The following MAX variants were observed in gnomAD, a reference collection of about 807,000 sequenced individuals.
MAX encodes MYC associated transcriptional regulator X, also known as protein max.
In MAX, 3 loss-of-function variants were observed where a neutral mutation model predicts 22.3. The ratio of observed to expected loss-of-function variants is 0.13; its 90% CI spans 0.06 to 0.35. The LOEUF (loss-of-function observed/expected upper bound fraction) is 0.35, where lower values mean the gene tolerates loss of function less well. MAX is among the 10% of genes least tolerant of loss of function. The probability of loss-of-function intolerance (pLI) is 1.00; values close to 1 mark genes in which losing one functional copy is unlikely to be tolerated. For synonymous variants in MAX, 72 were observed against 77.7 expected (o/e 0.93, Z 0.39); for missense variants, 119 against 209.4 (o/e 0.57, Z 2.66).
intron 3 of MAX, among the ~76,000 whole-genome samples, chr14:65,059,837 C>CTTTTTTTTT (rs34459085): frequency 1.5e-5 from 2 of 134,242 alleles, no homozygotes; most frequent in African/African-American, 2.8e-5. Flanking sequence ...GTCCTTTTTT[C>CTTTTTTTTT]TTTTTTTTTT....
intron 3 of MAX, among the ~76,000 whole-genome samples, chr14:65,034,402 T>C (rs142167621): frequency 1.3e-5 from 2 of 152,398 alleles, no homozygotes; most frequent in African/African-American, 4.8e-5. Context: ...ACATTTTTAA[T>C]ATCTTGCATG....
In MAX at chr14:65,077,926, A is replaced by G. The variant is rs1413313831; in HGVS notation, c.282T>C (p.Leu94=). ...TCGGGTGCTCACCTTGCTGCTCCAG[A>G]AGAGCATTCTGCCGCTTGAGGTCGT... ...DIDDLKRQNA[L]LEQQVRALEK... The change falls in exon 4 of 5, where the codon CTT becomes CTC. Residue 94 remains leucine (L), a synonymous_variant. Coordinates refer to ENST00000358664, the MANE Select transcript of MAX (RefSeq NM_002382.5). The surrounding 1 kb of genome is among the most constrained non-coding windows in gnomAD (Gnocchi z 6.3). 1.9e-6 allele frequency: 3 copies of G among 1,614,108 alleles called. No homozygotes were observed. Among genetic ancestry groups the G allele is most frequent in the African/African-American group, 1.3e-5 (1 of 74,946 alleles).
chr14:65,101,043 T>C (rs538480236), intron 2 of MAX, among the ~76,000 whole-genome samples: 1 of 152,358 alleles, frequency 6.6e-6, no homozygotes, highest in Non-Finnish European at 1.5e-5. Flanking sequence ...CTCCTCTACA[T>C]TTCCAATTTT....
At chr14:65,006,380 C>CAAT (rs2061590864) in intron 3 of MAX, 1 of 1,530,638 alleles carries the variant, frequency 6.5e-7, no homozygotes, top group Non-Finnish European at 8.8e-7. Flanking sequence ...GCTCTGACCT[C>CAAT]AATAAAATGA....
In MAX at chr14:65,076,360, G is replaced by C; in HGVS notation, c.*116C>G. On this transcript the variant is annotated 3_prime_UTR_variant, in exon 5 of 5. Transcript: ENST00000358664. The surrounding 1 kb of genome is among the most constrained non-coding windows in gnomAD (Gnocchi z 6.6). The stretch of plus-strand genomic sequence containing the variant: ...AAAATAAAAATTTAAAAAAAAAAGG[G>C]AGAAAGAGAAAAATAAAGAGTCTCT... The C allele has an allele frequency of 1.3e-6, 2 of 1,559,690 alleles. No individual in the cohort carries two copies. The highest frequency in any genetic ancestry group is 1.7e-6 in the Non-Finnish European group (2 of 1,155,516).
chr14:65,072,954 A>G (rs1162079583), downstream of MAX, among the ~76,000 whole-genome samples: 5 of 152,230 alleles, frequency 3.3e-5, no homozygotes, highest in African/African-American at 4.8e-5. Context: ...TGATATACCA[A>G]GAAGTCAACC....
intron 3 of MAX, among the ~76,000 whole-genome samples, chr14:65,035,672 A>G (rs928671702): frequency 6.7e-6 from 1 of 148,698 alleles, no homozygotes; most frequent in Admixed American, 6.7e-5. Flanking sequence ...TGGGACAACA[A>G]GCGCGTGCCA....
Position 65,032,428 on chromosome 14 carries a change from C to G in MAX, c.172-26144G>C, listed in dbSNP as rs1813360128. ...CACTGAAGCCATGCCGTGAGCAACT[C>G]TATCCAAATAGAATGTCACACCTCT... On this transcript the variant is annotated intron_variant, in intron 3 of 3. Coordinates refer to the MAX transcript ENST00000341653. The surrounding 1 kb of genome is among the most constrained non-coding windows in gnomAD (Gnocchi z 5.0). 1.9e-6 allele frequency: 1 copy of G among 528,078 alleles called. No individual in the cohort carries two copies. The allele number at this position is 528,078 out of a possible 1,614,324, so 32.7% of individuals were successfully genotyped here. A position where few individuals can be genotyped will look rare whatever the true frequency, so the allele number is the denominator to read the frequency against.
At position 65,054,207 on chromosome 14, in the gene MAX, G is replaced by A. The variant is rs2062677276; in HGVS notation, c.171+39501C>T. Among the ~76,000 whole-genome samples, 1 of 151,928 alleles carries A rather than the reference G, an allele frequency of 6.6e-6. No homozygotes were observed. The highest frequency in any genetic ancestry group is 2.1e-4 in the South Asian group (1 of 4,814). ...GACTCACTGCAGCCTTCACCTCTTG[G>A]GCTCGAGTGATCCTCCTGCTTCAGC... On this transcript the variant is annotated intron_variant, in intron 3 of 3. Transcript: ENST00000341653. This position sits in a 1 kb window ranked among gnomAD's most constrained non-coding sequence, Gnocchi z 4.4.
chr14:65,044,979 A>C lies in MAX; in HGVS notation c.172-38695T>G, dbSNP rs2062443637. 1.3e-5 allele frequency among the ~76,000 whole-genome samples: 2 copies of C among 152,144 alleles called. No homozygotes were observed. The highest frequency in any genetic ancestry group is 2.9e-5 in the Non-Finnish European group (2 of 68,014). On this transcript the variant is annotated intron_variant, in intron 3 of 3. Coordinates refer to the MAX transcript ENST00000341653. The surrounding 1 kb of genome is among the most constrained non-coding windows in gnomAD (Gnocchi z 5.5). ...GGCTGCAGAGTTGTCACTATTAGAA[A>C]TGTTTTATTTTACATTCATTGAATA...
intron 3 of MAX, among the ~76,000 whole-genome samples, chr14:65,035,833 T>G (rs1320553096): frequency 7.0e-6 from 1 of 142,652 alleles, no homozygotes; most frequent in Non-Finnish European, 1.6e-5. Flanking sequence ...TGCGCCCAGC[T>G]TTTTTTTTTT....
At position 65,019,187 on chromosome 14, in the gene MAX, GA is replaced by G. The variant is rs566278887; in HGVS notation, c.172-12904del. 6.0e-5 allele frequency among the ~76,000 whole-genome samples: 9 copies of G among 148,938 alleles called. 1 individual carries two copies. In the South Asian group the frequency reaches 1.9e-3, roughly 32 times the overall value. On this transcript the variant is annotated intron_variant, in intron 3 of 3. Transcript: ENST00000341653. ...AAACTCCATCTCAAAAAAAGAAAAA[GA>G]AAAAGAAGAACTTTCTGGCTGGATG...
chr14:65,053,329 G>T, intron 3 of MAX: 2 of 1,447,818 alleles, frequency 1.4e-6, no homozygotes, highest in South Asian at 1.5e-5. Flanking sequence ...CTGCGGGGGG[G>T]CTTCTGGATA....
At chr14:65,008,293 G>T (rs557067326) in intron 3 of MAX, among the ~76,000 whole-genome samples, 1 of 152,176 alleles carries the variant, frequency 6.6e-6, no homozygotes, top group East Asian at 1.9e-4. Context: ...CCCAGGTTTG[G>T]GGGGAGGAAG....
chr14:65,075,103 G>T, downstream of MAX: 1 of 1,013,748 alleles, frequency 9.9e-7, no homozygotes, highest in South Asian at 4.7e-5. The surrounding 1 kb of genome is among the most constrained non-coding windows in gnomAD (Gnocchi z 4.1). Context: ...GCCTTAACAA[G>T]GGTAAGAAGA....
rs892847629 is a variant in MAX at position 65,054,477 on chromosome 14, A to G, written c.171+39231T>C. ...CTAGCCACATGGAGGATGGGGGGGG[A>G]CGTGTGATTGCACCAGTGGTCTCTG... is the stretch of plus-strand genomic sequence containing the variant. On this transcript the variant is annotated intron_variant, in intron 3 of 3. Transcript: ENST00000341653. The surrounding 1 kb of genome is among the most constrained non-coding windows in gnomAD (Gnocchi z 4.4). 6 of 1,180,558 alleles carry G rather than the reference A, an allele frequency of 5.1e-6. No individual in the cohort carries two copies. The highest frequency in any genetic ancestry group is 7.2e-6 in the Non-Finnish European group (6 of 832,366). The allele number at this position is 1,180,558 out of a possible 1,614,324, so 73.1% of individuals were successfully genotyped here.
rs375041283 is a variant in MAX, at chr14:65,053,196, C to A, written c.171+40512G>T. 8.3e-6 allele frequency: 11 copies of A among 1,318,732 alleles called. No homozygotes were observed. The African/African-American group carries it at 1.5e-4, about 18-fold the overall frequency. The allele number at this position is 1,318,732 out of a possible 1,614,324, so 81.7% of individuals were successfully genotyped here. A position where few individuals can be genotyped will look rare whatever the true frequency, so the allele number is the denominator to read the frequency against. ...GTGGAATTAGGTCATTGATACTTGG[C>A]TGGATCTGCCGGGCCCTTACTGACC... On this transcript the variant is annotated intron_variant, in intron 3 of 3. Transcript: ENST00000341653.
Position 65,084,392 on chromosome 14 carries a change from C to A in MAX, c.172-6356G>T. ...TTTTGTTTACTGAATTAGTTACCCT[C>A]TTCCAAAAAAAAAAATTCCAGTGAT... On this transcript the variant is annotated intron_variant, in intron 3 of 4. Coordinates refer to ENST00000358664, the MANE Select transcript of MAX (RefSeq NM_002382.5). This position sits in a 1 kb window ranked among gnomAD's most constrained non-coding sequence, Gnocchi z 4.3. 3 of 784,516 alleles carry A rather than the reference C, an allele frequency of 3.8e-6. No individual in the cohort carries two copies. Among genetic ancestry groups the A allele is most frequent in the Admixed American group, 4.6e-5 (2 of 43,954 alleles). The allele number at this position is 784,516 out of a possible 1,614,324, so 48.6% of individuals were successfully genotyped here. A position where few individuals can be genotyped will look rare whatever the true frequency, so the allele number is the denominator to read the frequency against.
At chr14:65,006,277 T>G (rs771157653) in exon 4 of MAX, 3 of 1,613,682 alleles carry the variant, frequency 1.9e-6, no homozygotes, top group Non-Finnish European at 8.5e-7. Flanking sequence ...TAACTTCATC[T>G]TTGTTCCCTG....
Sources: gnomAD v4.1 joint callset for allele counts (sites outside exome capture counted in the v4.1 genomes callset) on GRCh38, gnomAD v4.1.1 for gene constraint, Gnocchi (gnomAD v3.1) non-coding constraint, MANE v1.5 for transcripts, NCBI Gene and HGNC (gene_info 2026-07-23, HGNC 2026-07-21) for gene names.